The following TMEM132D variants were observed in gnomAD, a reference collection of about 807,000 sequenced individuals.
The protein encoded by TMEM132D is transmembrane protein 132D, also known as mature OL transmembrane protein.
In TMEM132D, 21 loss-of-function variants were observed where a neutral mutation model predicts 62.3. The observed-to-expected ratio is 0.34, with a 90% confidence interval of 0.24 to 0.49. TMEM132D has a LOEUF of 0.49. Among genes scored for constraint, TMEM132D ranks in the 20% least tolerant of loss-of-function variants. The pLI is 0.99. For missense variants in TMEM132D, 1,346 were observed against 1,402.8 expected (o/e 0.96, Z 0.65); for synonymous variants, 621 against 575.6 (o/e 1.08, Z -1.13).
At chr12:129,418,601 C>A (rs1040262327) in intron 3 of TMEM132D, among the ~76,000 whole-genome samples, 4 of 152,044 alleles carry the variant, frequency 2.6e-5, no homozygotes, top group Non-Finnish European at 5.9e-5. Context: ...AGGAGAAATA[C>A]CTAATGCATG....
intron 1 of TMEM132D, among the ~76,000 whole-genome samples, chr12:129,756,571 G>A (rs1375549541): frequency 6.6e-6 from 1 of 152,142 alleles, no homozygotes; most frequent in Non-Finnish European, 1.5e-5. Flanking sequence ...CTGCAGCTTC[G>A]GAGGATGCAA....
At chr12:129,622,409 T>C (rs1456364258) in intron 2 of TMEM132D, among the ~76,000 whole-genome samples, 1 of 152,112 alleles carries the variant, frequency 6.6e-6, no homozygotes, top group Non-Finnish European at 1.5e-5. Flanking sequence ...ATATCTAATA[T>C]ATAATGCAAG....
intron 3 of TMEM132D, among the ~76,000 whole-genome samples, chr12:129,415,393 T>C (rs568340874): frequency 1.6e-4 from 24 of 152,334 alleles, no homozygotes; most frequent in African/African-American, 5.8e-4. Context: ...TATCTCATAG[T>C]AGATTGGTAT....
At chr12:129,086,205 T>C (rs61944789) in intron 5 of TMEM132D, among the ~76,000 whole-genome samples, 20,614 of 145,826 alleles carry the variant, frequency 0.14, 1,552 homozygotes, top group Middle Eastern at 0.2. Context: ...CGCGCGCGTG[T>C]GTGTGTGTGT....
At chr12:129,456,299 G>C (rs1448119589) in intron 3 of TMEM132D, among the ~76,000 whole-genome samples, 1 of 152,062 alleles carries the variant, frequency 6.6e-6, no homozygotes, top group Admixed American at 6.6e-5. Flanking sequence ...CTCAGCAAAC[G>C]TTACCTGCTG....
At chr12:129,286,237 C>T (rs1370539578) in intron 4 of TMEM132D, among the ~76,000 whole-genome samples, 1 of 152,158 alleles carries the variant, frequency 6.6e-6, no homozygotes, top group Admixed American at 6.5e-5. Flanking sequence ...GACGGCAAAG[C>T]AGAAGGAGTA....
intron 2 of TMEM132D, among the ~76,000 whole-genome samples, chr12:129,678,321 C>T (rs1880690219): frequency 6.6e-6 from 1 of 152,122 alleles, no homozygotes; most frequent in Non-Finnish European, 1.5e-5. Flanking sequence ...TTGCTATTAT[C>T]AGATTGCTTA....
chr12:129,308,156 C>G (rs1881887222), intron 4 of TMEM132D, among the ~76,000 whole-genome samples: 1 of 152,194 alleles, frequency 6.6e-6, no homozygotes, highest in Non-Finnish European at 1.5e-5. Flanking sequence ...AAGGATTCCT[C>G]TTTACCTAAT....
intron 1 of TMEM132D, among the ~76,000 whole-genome samples, chr12:129,705,607 T>C (rs1881488711): frequency 6.6e-6 from 1 of 152,194 alleles, no homozygotes; most frequent in Admixed American, 6.5e-5. Context: ...AACAAATGTA[T>C]ACCATATCTT....
rs192103429 is a variant in TMEM132D, at chr12:129,655,892, C to T, written c.968+43918G>A. 5.9e-5 allele frequency among the ~76,000 whole-genome samples: 9 copies of T among 152,264 alleles called. No homozygotes were observed. The East Asian group carries it at 1.7e-3, about 29-fold the overall frequency. ...TGTTGGTGACTTCCTGCATTCTGAG[C>T]CCCTCGGGTTACAGACAAAAAACTG... On this transcript the variant is annotated intron_variant, in intron 2 of 8. Coordinates refer to ENST00000422113, the MANE Select transcript of TMEM132D (RefSeq NM_133448.3).
intron 1 of TMEM132D, among the ~76,000 whole-genome samples, chr12:129,876,499 T>C (rs1874421102): frequency 6.6e-6 from 1 of 152,240 alleles, no homozygotes; most frequent in African/African-American, 2.4e-5. Flanking sequence ...AACACATTTG[T>C]CAGGACCTTA....
chr12:129,818,705 C>T (rs546254820), intron 1 of TMEM132D, among the ~76,000 whole-genome samples: 42 of 151,512 alleles, frequency 2.8e-4, no homozygotes, highest in Non-Finnish European at 5.8e-4. Flanking sequence ...GGTGTATGCA[C>T]CTGCACACAC....
intron 5 of TMEM132D, among the ~76,000 whole-genome samples, chr12:129,134,436 G>A (rs948383915): frequency 1.3e-5 from 2 of 152,024 alleles, no homozygotes; most frequent in East Asian, 1.9e-4. Flanking sequence ...GCTCAGGGCT[G>A]GCTCTTCTTC....
chr12:129,727,366 T>A (rs1869075254), intron 1 of TMEM132D, among the ~76,000 whole-genome samples: 1 of 152,158 alleles, frequency 6.6e-6, no homozygotes, highest in Non-Finnish European at 1.5e-5. Flanking sequence ...CTGGATTTCA[T>A]CCTTCTGTAA....
At chr12:129,366,486 T>A (rs1340579784) in intron 3 of TMEM132D, among the ~76,000 whole-genome samples, 1 of 151,996 alleles carries the variant, frequency 6.6e-6, no homozygotes, top group Non-Finnish European at 1.5e-5. Flanking sequence ...TCCCGAGACC[T>A]CCCCAGAAGC....
chr12:129,533,622 G>A (rs140100247), intron 2 of TMEM132D, among the ~76,000 whole-genome samples: 40 of 152,316 alleles, frequency 2.6e-4, no homozygotes, highest in African/African-American at 9.1e-4. Flanking sequence ...TTCAGATGAT[G>A]TTTCTCCAAT....
chr12:129,698,291 C>G (rs142106760), intron 2 of TMEM132D: 87 of 151,864 alleles, frequency 5.7e-4, no homozygotes, highest in African/African-American at 2.1e-3. Context: ...TACCCTAAAT[C>G]CCTGCGGCTA....
chr12:129,628,686 A>G (rs1411902203), intron 2 of TMEM132D, among the ~76,000 whole-genome samples: 1 of 152,192 alleles, frequency 6.6e-6, no homozygotes, highest in Non-Finnish European at 1.5e-5. Flanking sequence ...ACTGTAGAAC[A>G]TGGTAAATGT....
At chr12:129,408,949 T>C (rs2135704642) in intron 3 of TMEM132D, among the ~76,000 whole-genome samples, 1 of 152,328 alleles carries the variant, frequency 6.6e-6, no homozygotes, top group African/African-American at 2.4e-5. Context: ...TTTTGTTTTT[T>C]TGAGATGGAG....
Sources: gnomAD v4.1 joint callset for allele counts (sites outside exome capture counted in the v4.1 genomes callset) on GRCh38, gnomAD v4.1.1 for gene constraint, MANE v1.5 for transcripts, NCBI Gene and HGNC (gene_info 2026-07-23, HGNC 2026-07-21) for gene names.